Variants in ZNF536 observed in about 807,000 individuals in gnomAD.
ZNF536 encodes the protein zinc finger protein 536.
ZNF536 carries 13 observed loss-of-function variants against 84.5 expected under a neutral mutation model. That is an observed-to-expected ratio of 0.15 (90% CI 0.10 to 0.24). The LOEUF is 0.24. ZNF536 is among the 10% of genes least tolerant of loss of function. ZNF536 has a pLI of 1.00. For synonymous variants in ZNF536, 811 were observed against 742.5 expected (o/e 1.09, Z -1.50); for missense variants, 1,536 against 1,747.5 (o/e 0.88, Z 2.16).
chr19:30,250,540 A>G (rs1432663837), intron 1 of ZNF536, among the ~76,000 whole-genome samples: 1 of 152,108 alleles, frequency 6.6e-6, no homozygotes, highest in African/African-American at 2.4e-5. Flanking sequence ...TCTTGGGGAA[A>G]GTGGCTGGTG....
chr19:30,691,318 C>T (rs1288855893), intron 1 of ZNF536, among the ~76,000 whole-genome samples: 1 of 152,080 alleles, frequency 6.6e-6, no homozygotes, highest in African/African-American at 2.4e-5. Context: ...CAGAGATCTG[C>T]GGCCAGGGGA....
chr19:30,429,976 G>A (rs936351853), intron 1 of ZNF536, among the ~76,000 whole-genome samples: 2 of 152,020 alleles, frequency 1.3e-5, no homozygotes, highest in Admixed American at 6.5e-5. Context: ...GGTACAGGGT[G>A]GTGAGGCACG....
At chr19:30,399,679 G>GTTTT (rs71171801) in intron 1 of ZNF536, among the ~76,000 whole-genome samples, 26 of 112,862 alleles carry the variant, frequency 2.3e-4, no homozygotes, top group East Asian at 4.9e-4. Flanking sequence ...AATAAGAAAT[G>GTTTT]TTTTTTTTTT....
At chr19:30,294,852 G>C (rs552290372) in intron 2 of ZNF536, among the ~76,000 whole-genome samples, 1 of 152,194 alleles carries the variant, frequency 6.6e-6, no homozygotes, top group African/African-American at 2.4e-5. Flanking sequence ...GTTGAGGCAG[G>C]CATGCATAGA....
intron 1 of ZNF536, among the ~76,000 whole-genome samples, chr19:30,581,701 G>T (rs566385192): frequency 1.3e-5 from 2 of 152,050 alleles, no homozygotes; most frequent in African/African-American, 4.8e-5. Flanking sequence ...ACTTTGGGAG[G>T]CCGAGGTGGG....
intron 1 of ZNF536, among the ~76,000 whole-genome samples, chr19:30,256,045 G>T (rs1311874835): frequency 6.6e-6 from 1 of 152,162 alleles, no homozygotes; most frequent in Non-Finnish European, 1.5e-5. Context: ...CTCCCTTGCT[G>T]TTCCTTCCAG....
intron 1 of ZNF536, among the ~76,000 whole-genome samples, chr19:30,671,265 C>T (rs35462141): frequency 0.14 from 21,958 of 152,240 alleles, 1,955 homozygotes; most frequent in East Asian, 0.38. Context: ...TGTGTCCAGT[C>T]TGAAATCTGG....
chr19:30,463,790 G>T (rs1023340967), intron 2 of ZNF536, among the ~76,000 whole-genome samples: 2 of 152,150 alleles, frequency 1.3e-5, no homozygotes, highest in Non-Finnish European at 2.9e-5. Context: ...AGCTGGGCAG[G>T]TTACCAGGTG....
chr19:30,524,816 A>T (rs921921572), intron 2 of ZNF536, among the ~76,000 whole-genome samples: 3 of 152,090 alleles, frequency 2.0e-5, no homozygotes, highest in African/African-American at 7.2e-5. Flanking sequence ...TCTTTTGGGA[A>T]TTTATGCTTT....
intron 1 of ZNF536, among the ~76,000 whole-genome samples, 179 bp downstream of exon 1, chr19:30,372,735 A>T (rs1456258970): frequency 6.6e-6 from 1 of 152,182 alleles, no homozygotes; most frequent in Non-Finnish European, 1.5e-5. Context: ...TGAATAAAAA[A>T]TTATAGCCCT....
At chr19:30,261,276 C>T (rs1366701411) in intron 1 of ZNF536, among the ~76,000 whole-genome samples, 13 of 107,714 alleles carry the variant, frequency 1.2e-4, no homozygotes, top group Middle Eastern at 0.012. Flanking sequence ...CCAGCCTGGG[C>T]GACAGAGCGA....
At chr19:30,697,207 G>C (rs2051698888) in intron 1 of ZNF536, among the ~76,000 whole-genome samples, 1 of 152,136 alleles carries the variant, frequency 6.6e-6, no homozygotes, top group Admixed American at 6.5e-5. Context: ...CAAGAGAACA[G>C]CATGGGGGAA....
intron 2 of ZNF536, among the ~76,000 whole-genome samples, chr19:30,325,752 C>A (rs1173179807): frequency 6.6e-6 from 1 of 152,208 alleles, no homozygotes; most frequent in Non-Finnish European, 1.5e-5. Context: ...GACACCAAAT[C>A]CTGGCACAAA....
intron 1 of ZNF536, among the ~76,000 whole-genome samples, chr19:30,646,575 G>C (rs2049478638): frequency 1.3e-5 from 2 of 152,216 alleles, no homozygotes; most frequent in Non-Finnish European, 2.9e-5. Context: ...GGGCACAGCT[G>C]TTGATCACGC....
At chr19:30,421,183 G>T (rs1568411954) in intron 1 of ZNF536, among the ~76,000 whole-genome samples, 1 of 152,176 alleles carries the variant, frequency 6.6e-6, no homozygotes. Context: ...GCAGAGAAGG[G>T]AGAAGTCGGT....
intron 1 of ZNF536, among the ~76,000 whole-genome samples, chr19:30,572,116 A>AT (rs2046569013): frequency 6.6e-6 from 1 of 152,124 alleles, no homozygotes. Flanking sequence ...CCTAACTGTC[A>AT]TGGTAGCCCA....
upstream of ZNF536, among the ~76,000 whole-genome samples, chr19:30,369,813 G>A (rs180695655): frequency 5.2e-3 from 793 of 152,012 alleles, 11 homozygotes; most frequent in African/African-American, 0.018. Flanking sequence ...TCCACTTTTA[G>A]ATTAAGAGAA....
chr19:30,261,312 A>G (rs1281435535), intron 1 of ZNF536, among the ~76,000 whole-genome samples: 21 of 150,746 alleles, frequency 1.4e-4, no homozygotes, highest in South Asian at 1.0e-3. Flanking sequence ...AAAAAAAAAA[A>G]AAAAAAAAAA....
At chr19:30,675,314 C>T (rs917754065) in intron 1 of ZNF536, among the ~76,000 whole-genome samples, 2 of 152,162 alleles carry the variant, frequency 1.3e-5, no homozygotes, top group South Asian at 4.1e-4. Flanking sequence ...GTTCAAAGTG[C>T]AATGAGCCCA....
Sources: allele counts gnomAD v4.1 joint callset (sites outside exome capture counted in the v4.1 genomes callset), GRCh38; gene constraint gnomAD v4.1.1; transcripts MANE v1.5; gene names NCBI Gene and HGNC (gene_info 2026-07-23, HGNC 2026-07-21).